The following ACACA variants were observed in gnomAD, a reference collection of about 807,000 sequenced individuals.
The protein encoded by ACACA is acetyl-CoA carboxylase 1.
In ACACA, 103 loss-of-function variants were observed where a neutral mutation model predicts 296.1. The observed-to-expected ratio is 0.35, with a 90% CI of 0.30 to 0.41. The LOEUF (loss-of-function observed/expected upper bound fraction) is 0.41, where lower values mean the gene tolerates loss of function less well. Among genes scored for constraint, ACACA ranks in the 10% least tolerant of loss-of-function variants. The pLI, the probability that ACACA is intolerant of heterozygous loss-of-function variation, is 1.00. For missense variants in ACACA, 1,554 were observed against 2,989.7 expected (o/e 0.52, Z 11.20); for synonymous variants, 953 against 1,038.6 (o/e 0.92, Z 1.58).
rs1476513065 is a variant in ACACA, at chr17:37,122,764, A to G, written c.6042-137T>C. The G allele has an allele frequency of 4.0e-6, 3 of 756,898 alleles. No homozygotes were observed. In the East Asian group the frequency reaches 7.8e-5, roughly 20 times the overall value. 46.9% of individuals were successfully genotyped at this position (756,898 alleles called of 1,614,324 possible). Reference sequence around the variant, plus strand: ...AGAGCAGGGGAAATCTGATTCTTCTATGAGTTAAATGTGAGACTCTACGGA... The same window carrying G: ...AGAGCAGGGGAAATCTGATTCTTCTGTGAGTTAAATGTGAGACTCTACGGA... On this transcript the variant is annotated intron_variant, in intron 48 of 55. Coordinates refer to ENST00000616317, the MANE Select transcript of ACACA (RefSeq NM_198834.3).
intron 41 of ACACA, among the ~76,000 whole-genome samples, chr17:37,174,011 TATATATATA>T (rs1242035242): frequency 2.4e-3 from 41 of 17,218 alleles, no homozygotes; most frequent in East Asian, 0.017. Flanking sequence ...TATATATATA[TATATATATA>T]TTTTTTTTTT....
chr17:37,215,891 G>A (rs143528969), intron 29 of ACACA, among the ~76,000 whole-genome samples: 2 of 151,910 alleles, frequency 1.3e-5, no homozygotes, highest in Admixed American at 1.3e-4. Context: ...CTAAAGGGCT[G>A]GGCTCACAGA....
intron 30 of ACACA, among the ~76,000 whole-genome samples, chr17:37,209,862 T>C (rs539047172): frequency 6.6e-6 from 1 of 152,334 alleles, no homozygotes; most frequent in African/African-American, 2.4e-5. Context: ...ATATCACTTA[T>C]GTTATATTAG....
At chr17:37,148,685 C>T (rs536288774) in intron 45 of ACACA, among the ~76,000 whole-genome samples, 4 of 151,852 alleles carry the variant, frequency 2.6e-5, no homozygotes, top group African/African-American at 7.3e-5. Flanking sequence ...GAGAGAGGAA[C>T]GGGAAACTGA....
chr17:37,330,079 A>G, intron 3 of ACACA, 94 bp downstream of exon 3: 2 of 1,496,418 alleles, frequency 1.3e-6, no homozygotes. Context: ...AAGGCAAAGC[A>G]GTCTTAGCTG....
At position 37,285,040 on chromosome 17, in the gene ACACA, C is replaced by T. The variant is rs2082703884; in HGVS notation, c.339-70G>A. The T allele has an allele frequency of 3.2e-6, 5 of 1,578,428 alleles. No individual in the cohort carries two copies. In the South Asian group the frequency reaches 5.5e-5, roughly 17 times the overall value. On this transcript the variant is annotated intron_variant, in intron 3 of 55. Coordinates refer to ENST00000616317, the MANE Select transcript of ACACA (RefSeq NM_198834.3). ...GAGACCTGCTTTTCACTACCATACC[C>T]ATAACAGTACTTTCACAACTGCATC...
chr17:37,379,326 G>A (rs757638385), intron 1 of ACACA: 2 of 1,613,980 alleles, frequency 1.2e-6, no homozygotes, highest in Non-Finnish European at 1.7e-6. Flanking sequence ...GCCTCCTCAA[G>A]CTGTCACCTA....
At chr17:37,269,770 A>AAAAAT (rs1348778228) in intron 10 of ACACA, among the ~76,000 whole-genome samples, 1 of 151,890 alleles carries the variant, frequency 6.6e-6, no homozygotes, top group Non-Finnish European at 1.5e-5. Context: ...AGGGAAAAAA[A>AAAAAT]AAAAAAAGCG....
chr17:37,092,512 A>G (rs1218380820), intron 54 of ACACA, among the ~76,000 whole-genome samples: 1 of 152,272 alleles, frequency 6.6e-6, no homozygotes, highest in African/African-American at 2.4e-5. Context: ...TCAGTGGATA[A>G]GTATCTCAGG....
At chr17:37,237,605 G>C (rs1215793235) in intron 24 of ACACA, among the ~76,000 whole-genome samples, 7 of 152,048 alleles carry the variant, frequency 4.6e-5, no homozygotes, top group African/African-American at 1.2e-4. Flanking sequence ...TAAATTATTT[G>C]TACTTCTTCT....
intron 1 of ACACA, among the ~76,000 whole-genome samples, chr17:37,346,108 T>G (rs1384738148): frequency 6.6e-6 from 1 of 152,098 alleles, no homozygotes; most frequent in Non-Finnish European, 1.5e-5. Flanking sequence ...AAATACAGTT[T>G]TATAGTTTAG....
intron 1 of ACACA, among the ~76,000 whole-genome samples, chr17:37,393,697 G>T (rs532151518): frequency 6.6e-6 from 1 of 151,926 alleles, no homozygotes; most frequent in East Asian, 1.9e-4. Context: ...CAAAAATTAG[G>T]CAGGCATGCT....
chr17:37,293,760 G>A (rs187365709), intron 3 of ACACA, among the ~76,000 whole-genome samples: 2 of 152,050 alleles, frequency 1.3e-5, no homozygotes, highest in South Asian at 4.2e-4. Flanking sequence ...GGCTGGTCTC[G>A]AACTCCTGAC....
chr17:37,092,140 TGGG>T (rs1415172748), intron 54 of ACACA, among the ~76,000 whole-genome samples: 1 of 150,742 alleles, frequency 6.6e-6, no homozygotes, highest in Non-Finnish European at 1.5e-5. Context: ...ATCAGCCAGG[TGGG>T]GTAGTGTATG....
intron 29 of ACACA, among the ~76,000 whole-genome samples, chr17:37,214,984 T>A (rs2078919395): frequency 6.6e-6 from 1 of 152,194 alleles, no homozygotes; most frequent in Admixed American, 6.5e-5. Context: ...ATTAGTCACA[T>A]GGAAGGCTCC....
chr17:37,098,250 T>A (rs1199947821), intron 52 of ACACA, among the ~76,000 whole-genome samples: 1 of 152,198 alleles, frequency 6.6e-6, no homozygotes, highest in Non-Finnish European at 1.5e-5. Context: ...CCCTCTCCCA[T>A]GCCTCTCCCT....
chr17:37,146,226 G>A (rs756665934), intron 45 of ACACA, among the ~76,000 whole-genome samples: 19 of 152,154 alleles, frequency 1.2e-4, no homozygotes. Context: ...CTAATGACAG[G>A]CAACATCATG....
intron 1 of ACACA, among the ~76,000 whole-genome samples, chr17:37,381,842 T>G (rs1025038613): frequency 6.6e-6 from 1 of 151,068 alleles, no homozygotes; most frequent in Non-Finnish European, 1.5e-5. Context: ...TTGGCCAGGA[T>G]GGTCTCGATC....
chr17:37,370,141 C>G (rs79770317), intron 1 of ACACA, among the ~76,000 whole-genome samples: 2,840 of 151,046 alleles, frequency 0.019, 69 homozygotes, highest in African/African-American at 0.056. Context: ...TGAGTAGCTG[C>G]ACTACAGGCA....
Sources: allele counts gnomAD v4.1 joint callset (sites outside exome capture counted in the v4.1 genomes callset), GRCh38; gene constraint gnomAD v4.1.1; transcripts MANE v1.5; gene names NCBI Gene and HGNC (gene_info 2026-07-23, HGNC 2026-07-21).